ARL10: variants seen among roughly 807,000 people sequenced by gnomAD.
ARL10 encodes the protein ARF like GTPase 10.
A neutral mutation model predicts 26.1 loss-of-function variants in ARL10; 23 were observed. The observed-to-expected ratio is 0.88, with a 90% CI of 0.63 to 1.25. The LOEUF (loss-of-function observed/expected upper bound fraction) is 1.25. Among genes scored for constraint, ARL10 ranks in the 50% most tolerant of loss-of-function variants. ARL10 has a pLI of 0.00. For synonymous variants in ARL10, 138 were observed against 149.1 expected (o/e 0.93, Z 0.54); for missense variants, 300 against 323.6 (o/e 0.93, Z 0.56).
chr5:176,365,595 T>C lies in ARL10; in HGVS notation c.32T>C (p.Leu11Pro), dbSNP rs773727539. 8.0e-7 allele frequency: 1 copy of C among 1,248,964 alleles called. No individual in the cohort carries two copies. The allele number at this position is 1,248,964 out of a possible 1,614,324, so 77.4% of individuals were successfully genotyped here. Residue 11 changes from leucine (L) to proline (P), a missense_variant, in exon 1 of 4, where the codon CTG (leucine) becomes CCG (proline). Coordinates refer to ENST00000310389, the MANE Select transcript of ARL10 (RefSeq NM_173664.6). ...CCGCGGCCGCTGGGCCCCTTGGTGC[T>C]GGCGCTGGGCGGCGCCGCGGCGGTG... MAPRPLGPLV[L>P]ALGGAAAVLG...
At chr5:176,392,807 G>T, downstream of ARL10, 1 of 1,614,238 alleles carries the variant, frequency 6.2e-7, no homozygotes, top group Non-Finnish European at 8.5e-7. The surrounding 1 kb of genome is among the most constrained non-coding windows in gnomAD (Gnocchi z 5.2). Context: ...TCAGGGACAT[G>T]AGCACCGAGC....
chr5:176,410,290 G>A, the ARL10 span: 53 of 1,613,832 alleles, frequency 3.3e-5, no homozygotes, highest in Non-Finnish European at 4.5e-5. Flanking sequence ...TGGTCCCCAT[G>A]TCCTCAGAAC....
the ARL10 span, among the ~76,000 whole-genome samples, chr5:176,414,538 C>G: frequency 6.6e-6 from 1 of 151,792 alleles, no homozygotes; most frequent in Non-Finnish European, 1.5e-5. Context: ...CGGGCTCAAG[C>G]TATGCTCCTG....
At position 176,374,946 on chromosome 5, in the gene ARL10, G is replaced by A. The variant is rs926815288; in HGVS notation, c.*3051G>A. ...CCACCGCCTTTTGAAGCTCTCCATA[G>A]TAGTAGAATCAGGAAAGATAAGCAC... On this transcript the variant is annotated 3_prime_UTR_variant, in exon 4 of 4. Transcript: ENST00000310389. 1.3e-5 allele frequency: 2 copies of A among 152,236 alleles called. No homozygotes were observed. The highest frequency in any genetic ancestry group is 1.5e-5 in the Non-Finnish European group (1 of 68,052). The allele number at this position is 152,236 out of a possible 1,614,324, so 9.4% of individuals were successfully genotyped here. A position where few individuals can be genotyped will look rare whatever the true frequency, so the allele number is the denominator to read the frequency against.
chr5:176,372,709 T>A lies in ARL10; in HGVS notation c.*814T>A, dbSNP rs1008536410. On this transcript the variant is annotated 3_prime_UTR_variant, in exon 4 of 4. Coordinates refer to ENST00000310389, the MANE Select transcript of ARL10 (RefSeq NM_173664.6). ...CTCGTACTAACTGTGCCAGTGCCCA[T>A]GTTTACAGAAGTCAGGGGAAGGAAG... The A allele has an allele frequency of 1.5e-5, 6 of 392,778 alleles. No homozygotes were observed. In the South Asian group the frequency reaches 7.2e-4, roughly 47 times the overall value. 24.3% of individuals were successfully genotyped at this position (392,778 alleles called of 1,614,324 possible).
chr5:176,388,664 TAGCACTACCGTGCTG>T (rs1756100988), downstream of ARL10: 1 of 1,316,814 alleles, frequency 7.6e-7, no homozygotes, highest in Non-Finnish European at 1.1e-6. Flanking sequence ...AGTCCTTTTG[TAGCACTACCGTGCTG>T]AGCACTACGA....
downstream of ARL10, chr5:176,386,332 C>A: frequency 5.4e-6 from 1 of 185,194 alleles, no homozygotes. Flanking sequence ...CATTCAAATC[C>A]TTTATCTTTA....
intron 3 of ARL10, among the ~76,000 whole-genome samples, chr5:176,369,657 T>A (rs929508144): frequency 3.3e-5 from 5 of 152,240 alleles, no homozygotes; most frequent in Non-Finnish European, 7.4e-5. Flanking sequence ...TTGTACATCT[T>A]GAGAGTAATA....
In ARL10 at chr5:176,372,997, C is replaced by A; in HGVS notation, c.*1102C>A. On this transcript the variant is annotated 3_prime_UTR_variant, in exon 4 of 4. Coordinates refer to ENST00000310389, the MANE Select transcript of ARL10 (RefSeq NM_173664.6). ...TCCCACCTGGCTTTGAGGCTGTCGT[C>A]GATATCATAGTACTTTACATGGATT... 2.5e-6 allele frequency: 1 copy of A among 398,566 alleles called. No individual in the cohort carries two copies. The highest frequency in any genetic ancestry group is 4.4e-6 in the Non-Finnish European group (1 of 226,062). The allele number at this position is 398,566 out of a possible 1,614,324, so 24.7% of individuals were successfully genotyped here. A position where few individuals can be genotyped will look rare whatever the true frequency, so the allele number is the denominator to read the frequency against.
downstream of ARL10, chr5:176,406,820 G>A (rs1254875099): frequency 5.2e-6 from 4 of 774,866 alleles, no homozygotes; most frequent in African/African-American, 1.9e-5. Context: ...GGCCAGACCT[G>A]CTATGCTCAA....
chr5:176,388,988 T>A, downstream of ARL10: 1 of 1,612,920 alleles, frequency 6.2e-7, no homozygotes, highest in Non-Finnish European at 8.5e-7. Context: ...GTGGGTGCGG[T>A]AGGAACTGCA....
Position 176,371,754 on chromosome 5 carries a change from G to A in ARL10, c.594G>A (p.Leu198=). ...GCGAGGCCATGAGTATGGGGGAGCTGCAGCGGGAGCTGGGTCTACAGGCTA... is the reference window on the plus strand; with the variant it reads ...GCGAGGCCATGAGTATGGGGGAGCTACAGCGGGAGCTGGGTCTACAGGCTA... ...DLSEAMSMGE[L]QRELGLQAID... The change falls in exon 4 of 4, where the codon CTG becomes CTA. Residue 198 remains leucine (L), a synonymous_variant. Transcript: ENST00000310389. The A allele has an allele frequency of 6.2e-7, 1 of 1,614,244 alleles. No individual in the cohort carries two copies. Among genetic ancestry groups the A allele is most frequent in the Non-Finnish European group, 8.5e-7 (1 of 1,180,052 alleles).
the ARL10 span, among the ~76,000 whole-genome samples, chr5:176,409,569 A>G: frequency 1.3e-5 from 2 of 151,858 alleles, no homozygotes; most frequent in African/African-American, 4.8e-5. Flanking sequence ...ACCTGCCACA[A>G]TGACTGGCTA....
downstream of ARL10, chr5:176,384,354 C>A (rs1167787140): frequency 2.5e-6 from 4 of 1,613,742 alleles, no homozygotes; most frequent in South Asian, 2.2e-5. Context: ...GATAGTAATT[C>A]TTCTCATCAC....
the ARL10 span, among the ~76,000 whole-genome samples, chr5:176,414,651 C>T: frequency 6.6e-6 from 1 of 152,104 alleles, no homozygotes; most frequent in African/African-American, 2.4e-5. Flanking sequence ...CCATGTTGCC[C>T]AGGCTCCACA....
the ARL10 span, among the ~76,000 whole-genome samples, chr5:176,409,630 G>A: frequency 6.6e-6 from 1 of 151,964 alleles, no homozygotes; most frequent in Non-Finnish European, 1.5e-5. Context: ...GGCCAGGCTG[G>A]TCTTGAACTC....
chr5:176,375,246 A>G lies in ARL10; in HGVS notation c.*3351A>G, dbSNP rs1355420641. ...CACCCATCCATCCATCCATCCATCC[A>G]TCCTTCCATCCATCCACCCATCCAC... On this transcript the variant is annotated 3_prime_UTR_variant, in exon 4 of 4. Transcript: ENST00000310389. The G allele has an allele frequency of 1.9e-4, 25 of 130,322 alleles. 2 individuals are homozygous for G. Among genetic ancestry groups the G allele is most frequent in the African/African-American group, 6.7e-4 (23 of 34,108 alleles). The allele number at this position is 130,322 out of a possible 1,614,324, so 8.1% of individuals were successfully genotyped here.
chr5:176,399,341 G>A (rs555743553), intron 1 of ARL10, among the ~76,000 whole-genome samples: 3 of 152,230 alleles, frequency 2.0e-5, no homozygotes, highest in African/African-American at 7.2e-5. Context: ...GAAAGAACTT[G>A]GACTCTGCAG....
chr5:176,389,519 G>C, downstream of ARL10: 1 of 1,595,986 alleles, frequency 6.3e-7, no homozygotes, highest in Non-Finnish European at 8.5e-7. Context: ...GGCCTTGAAA[G>C]CTCCGCAGAA....
Sources: allele counts gnomAD v4.1 joint callset (sites outside exome capture counted in the v4.1 genomes callset), GRCh38; gene constraint gnomAD v4.1.1; non-coding constraint Gnocchi (gnomAD v3.1); transcripts MANE v1.5; gene names NCBI Gene and HGNC (gene_info 2026-07-23, HGNC 2026-07-21).